Variants in RORB observed in about 807,000 individuals in gnomAD.
RORB encodes the protein RAR related orphan receptor B, also known as nuclear receptor ROR-beta.
In RORB, 6 loss-of-function variants were observed where a neutral mutation model predicts 59.1. That is an observed-to-expected ratio of 0.10 (90% CI 0.06 to 0.20). The LOEUF is 0.20. Ranked by LOEUF, RORB falls within the 10% of genes least tolerant of loss-of-function variation. RORB has a pLI of 1.00. For missense variants in RORB, 320 were observed against 560.5 expected (o/e 0.57, Z 4.33); for synonymous variants, 215 against 204.5 (o/e 1.05, Z -0.44).
chr9:74,680,962 C>A (rs1047314846), intron 9 of RORB, among the ~76,000 whole-genome samples: 1 of 152,132 alleles, frequency 6.6e-6, no homozygotes, highest in Admixed American at 6.5e-5. Context: ...GGATTATTAT[C>A]TCTTCTCAAA....
At chr9:74,677,927 A>C (rs1824472918) in intron 9 of RORB, among the ~76,000 whole-genome samples, 1 of 152,248 alleles carries the variant, frequency 6.6e-6, no homozygotes, top group Non-Finnish European at 1.5e-5. Context: ...CAAATATGCA[A>C]GATAAATAAA....
In RORB at chr9:74,664,868, G is replaced by A. The variant is rs144500143; in HGVS notation, c.893-620G>A. 3.3e-5 allele frequency among the ~76,000 whole-genome samples: 5 copies of A among 152,298 alleles called. No homozygotes were observed. In the East Asian group the frequency reaches 9.6e-4, roughly 29 times the overall value. On this transcript the variant is annotated intron_variant, in intron 6 of 9. Coordinates refer to ENST00000376896, the MANE Select transcript of RORB (RefSeq NM_006914.4). Reference sequence around the variant, plus strand: ...GCAAAAGCCCATTTCTCCAAAACATGGGAAGCTATGCAGCAGTATTTCCTC... The same window carrying A: ...GCAAAAGCCCATTTCTCCAAAACATAGGAAGCTATGCAGCAGTATTTCCTC...
chr9:74,667,669 A>T (rs947701257), intron 7 of RORB, 122 bp from the exon 8 acceptor site: 5 of 588,180 alleles, frequency 8.5e-6, no homozygotes, highest in Non-Finnish European at 1.2e-5. Flanking sequence ...ACTTAAAAAA[A>T]TATCTTTTCT....
intron 4 of RORB, among the ~76,000 whole-genome samples, chr9:74,658,729 C>A (rs551045618): frequency 6.6e-6 from 1 of 151,986 alleles, no homozygotes; most frequent in Non-Finnish European, 1.5e-5. Context: ...TAGACTGCCC[C>A]GGTGAAATTG....
At position 74,689,383 on chromosome 9, in the gene RORB, C is replaced by G. The variant is rs1336590159; in HGVS notation, c.*3765C>G. On this transcript the variant is annotated 3_prime_UTR_variant, in exon 10 of 10. Coordinates refer to ENST00000376896, the MANE Select transcript of RORB (RefSeq NM_006914.4). ...CCTCCCAAAGTGCAAGGATTACAGG[C>G]CTGAGCCACTGCGCCCTGCCTTCAG... 4.6e-5 allele frequency: 7 copies of G among 152,318 alleles called. No individual in the cohort carries two copies. Among genetic ancestry groups the G allele is most frequent in the African/African-American group, 1.7e-4 (7 of 41,448 alleles). 9.4% of individuals were successfully genotyped at this position (152,318 alleles called of 1,614,324 possible).
At chr9:74,568,571 G>A (rs1822502091) in intron 1 of RORB, among the ~76,000 whole-genome samples, 1 of 151,620 alleles carries the variant, frequency 6.6e-6, no homozygotes, top group Admixed American at 6.6e-5. Context: ...GTGGTGGTGG[G>A]CACCTATAAT....
At chr9:74,663,159 A>G (rs1021060169) in intron 6 of RORB, among the ~76,000 whole-genome samples, 5 of 152,198 alleles carry the variant, frequency 3.3e-5, no homozygotes, top group African/African-American at 1.2e-4. Context: ...TGCGGATGTT[A>G]TTACCAAACA....
At chr9:74,517,651 G>A (rs1238735674) in intron 1 of RORB, among the ~76,000 whole-genome samples, 2 of 151,626 alleles carry the variant, frequency 1.3e-5, no homozygotes, top group East Asian at 3.9e-4. Context: ...TACTCTATTG[G>A]GCATTACCCG....
intron 1 of RORB, among the ~76,000 whole-genome samples, chr9:74,540,188 T>A (rs758501225): frequency 6.6e-6 from 1 of 152,194 alleles, no homozygotes; most frequent in Admixed American, 6.5e-5. Context: ...TCTGCACAGT[T>A]TGAATACAAA....
At chr9:74,530,392 C>A (rs367865838) in intron 1 of RORB, among the ~76,000 whole-genome samples, 1 of 152,110 alleles carries the variant, frequency 6.6e-6, no homozygotes, top group African/African-American at 2.4e-5. Flanking sequence ...ATGGATGCTG[C>A]TGTGAAAACT....
intron 1 of RORB, among the ~76,000 whole-genome samples, chr9:74,505,584 G>A (rs1372296453): frequency 6.6e-6 from 1 of 152,058 alleles, no homozygotes; most frequent in Non-Finnish European, 1.5e-5. Flanking sequence ...AAAGCAGAAT[G>A]GAACATGGCA....
chr9:74,624,150 T>A (rs1823469527), intron 1 of RORB, among the ~76,000 whole-genome samples: 2 of 152,202 alleles, frequency 1.3e-5, no homozygotes, highest in Non-Finnish European at 2.9e-5. Context: ...GTAATTTTTT[T>A]CTTAATCTAA....
intron 7 of RORB, among the ~76,000 whole-genome samples, chr9:74,666,278 C>A (rs1339426308): frequency 1.3e-5 from 2 of 151,956 alleles, no homozygotes; most frequent in East Asian, 1.9e-4. Context: ...CAGAGCAAGA[C>A]TCCATCTCAA....
At chr9:74,532,386 T>C (rs1318125772) in intron 1 of RORB, among the ~76,000 whole-genome samples, 1 of 151,914 alleles carries the variant, frequency 6.6e-6, no homozygotes, top group Non-Finnish European at 1.5e-5. Context: ...TCCTGATCTT[T>C]ATTCCTCAAA....
intron 1 of RORB, among the ~76,000 whole-genome samples, chr9:74,599,079 A>G (rs1427260329): frequency 6.6e-6 from 1 of 152,178 alleles, no homozygotes. Context: ...CCGCTAGACC[A>G]CACCTCCTGA....
chr9:74,524,626 A>C (rs2118080656), intron 1 of RORB, among the ~76,000 whole-genome samples: 1 of 152,032 alleles, frequency 6.6e-6, no homozygotes, highest in South Asian at 2.1e-4. Flanking sequence ...TATCTTCTCT[A>C]TTTGCATAAT....
chr9:74,511,539 C>T (rs1410920455), intron 1 of RORB, among the ~76,000 whole-genome samples: 1 of 150,072 alleles, frequency 6.7e-6, no homozygotes, highest in East Asian at 2.0e-4. Flanking sequence ...GGTCCTGGCA[C>T]ATAAGGCGGC....
At chr9:74,501,080 G>C (rs12353143) in intron 1 of RORB, among the ~76,000 whole-genome samples, 1 of 152,096 alleles carries the variant, frequency 6.6e-6, no homozygotes, top group Non-Finnish European at 1.5e-5. Flanking sequence ...TCTGTGGGCT[G>C]TTTATTACAC....
At chr9:74,506,423 T>C (rs1028620994) in intron 1 of RORB, among the ~76,000 whole-genome samples, 1 of 152,100 alleles carries the variant, frequency 6.6e-6, no homozygotes, top group Admixed American at 6.6e-5. Context: ...GCTGGTTCCA[T>C]CCCAGCACTG....
Sources: allele counts gnomAD v4.1 joint callset (sites outside exome capture counted in the v4.1 genomes callset), GRCh38; gene constraint gnomAD v4.1.1; transcripts MANE v1.5; gene names NCBI Gene and HGNC (gene_info 2026-07-23, HGNC 2026-07-21).